Variants in GMEB2 observed in about 807,000 individuals in gnomAD.
GMEB2 encodes the protein glucocorticoid modulatory element binding protein 2.
A neutral mutation model predicts 45.7 loss-of-function variants in GMEB2; 7 were observed. The observed-to-expected ratio is 0.15, with a 90% CI of 0.09 to 0.29. The LOEUF is 0.29. GMEB2 is among the 10% of genes least tolerant of loss of function. The pLI, the probability that GMEB2 is intolerant of heterozygous loss-of-function variation, is 1.00. For missense variants in GMEB2, 582 were observed against 739.2 expected (o/e 0.79, Z 2.47); for synonymous variants, 322 against 323.6 (o/e 1.00, Z 0.05).
intron 1 of GMEB2, among the ~76,000 whole-genome samples, chr20:63,625,262 G>A (rs1410101445): frequency 2.0e-5 from 3 of 151,692 alleles, no homozygotes; most frequent in African/African-American, 4.8e-5. Context: ...TGCAACCTCC[G>A]CCTCCCGGGT....
At position 63,588,669 on chromosome 20, in the gene GMEB2, G is replaced by A. The variant is rs1372169196; in HGVS notation, c.*1420C>T. On this transcript the variant is annotated 3_prime_UTR_variant, in exon 10 of 10. Coordinates refer to ENST00000370077, the MANE Select transcript of GMEB2 (RefSeq NM_012384.5). Reference sequence around the variant, plus strand: ...GACGGACAGCCAGCCAGTTCCCTTCGGAGCAGTGAAGTGGGACACAGGACC... The same window carrying A: ...GACGGACAGCCAGCCAGTTCCCTTCAGAGCAGTGAAGTGGGACACAGGACC... 1.3e-5 allele frequency: 5 copies of A among 397,966 alleles called. No homozygotes were observed. The highest frequency in any genetic ancestry group is 2.1e-5 in the African/African-American group (1 of 48,634). The allele number at this position is 397,966 out of a possible 1,614,324, so 24.7% of individuals were successfully genotyped here.
intron 2 of GMEB2, among the ~76,000 whole-genome samples, chr20:63,606,382 C>G (rs2089519399): frequency 6.8e-6 from 1 of 146,162 alleles, no homozygotes. Context: ...GAGTCTCGCT[C>G]TGTCGCTCAG....
At chr20:63,610,682 A>G (rs2089562901) in intron 2 of GMEB2, among the ~76,000 whole-genome samples, 1 of 152,226 alleles carries the variant, frequency 6.6e-6, no homozygotes. Context: ...CTCAGAGAAG[A>G]AGGCGCATGC....
At chr20:63,602,387 C>T (rs1019628347) in intron 4 of GMEB2, among the ~76,000 whole-genome samples, 1 of 152,180 alleles carries the variant, frequency 6.6e-6, no homozygotes, top group African/African-American at 2.4e-5. Flanking sequence ...AAGCCCTGGG[C>T]TTTGTCTTCT....
In GMEB2 at chr20:63,597,968, C is replaced by T. The variant is rs546583926; in HGVS notation, c.358-108G>A. 2.6e-3 allele frequency: 1,900 copies of T among 719,790 alleles called. 52 individuals carry two copies. The South Asian group carries it at 0.028, about 10-fold the overall frequency. 44.6% of individuals were successfully genotyped at this position (719,790 alleles called of 1,614,324 possible). A position where few individuals can be genotyped will look rare whatever the true frequency, so the allele number is the denominator to read the frequency against. Reference sequence around the variant, plus strand: ...GGCGCGCAAGGCAGGAAAAGCGCCACGGCACGGCTCTGACCGGTGCAGGCC... The same window carrying T: ...GGCGCGCAAGGCAGGAAAAGCGCCATGGCACGGCTCTGACCGGTGCAGGCC... On this transcript the variant is annotated intron_variant, in intron 4 of 9. Coordinates refer to ENST00000370077, the MANE Select transcript of GMEB2 (RefSeq NM_012384.5).
intron 3 of GMEB2, 141 bp downstream of exon 3, chr20:63,604,602 T>C (rs558953525): frequency 1.5e-5 from 9 of 620,144 alleles, no homozygotes. Context: ...GCCTGGCCTC[T>C]CACTCCTAAG....
At chr20:63,599,224 GAGCTAACTCGGC>G (rs1164785992) in intron 4 of GMEB2, among the ~76,000 whole-genome samples, 2 of 151,020 alleles carry the variant, frequency 1.3e-5, no homozygotes, top group African/African-American at 2.5e-5. Context: ...TGACCCCCCG[GAGCTAACTCGGC>G]CCGCTCCTGA....
In GMEB2 at chr20:63,606,900, G is replaced by T. The variant is rs115154014; in HGVS notation, c.132-2060C>A. 6.8e-3 allele frequency among the ~76,000 whole-genome samples: 1,032 copies of T among 152,332 alleles called. 12 individuals are homozygous for T. Among genetic ancestry groups the T allele is most frequent in the African/African-American group, 0.023 (965 of 41,572 alleles). On this transcript the variant is annotated intron_variant, in intron 2 of 9. Transcript: ENST00000370077. Reference sequence around the variant, plus strand: ...TTTCCCCTAGAGAGCCCACAGGAAGGAACCAGCGTTACCACGCGTACGGGA... The same window carrying T: ...TTTCCCCTAGAGAGCCCACAGGAAGTAACCAGCGTTACCACGCGTACGGGA...
At position 63,604,822 on chromosome 20, in the gene GMEB2, A is replaced by T; in HGVS notation, c.150T>A (p.Asp50Glu). 1.9e-6 allele frequency: 3 copies of T among 1,608,624 alleles called. No homozygotes were observed. The highest frequency in any genetic ancestry group is 2.6e-6 in the Non-Finnish European group (3 of 1,175,078). ...CCGCTGCATTTTCTGTCTCCATGTT[A>T]TCTTCCGTCAGGTCGCCCCTGGTGA... ...LAPHGGDLTE[D>E]NMETENAAAA... Residue 50 changes from aspartate (D) to glutamate (E), a missense_variant, in exon 3 of 10, where the codon GAT (aspartate) becomes GAA (glutamate). Physicochemically the swap from Asp to Glu is conservative, Grantham distance 45. Coordinates refer to ENST00000370077, the MANE Select transcript of GMEB2 (RefSeq NM_012384.5).
In GMEB2 at chr20:63,592,033, C is replaced by A; in HGVS notation, c.941G>T (p.Arg314Leu). The change falls in exon 9 of 10, where the codon CGG (arginine) becomes CTG (leucine). Residue 314 changes from arginine (R) to leucine (L), a missense_variant. By Grantham distance (102) the Arg-to-Leu change is moderately radical. This residue lies in a region of GMEB2 where 462 missense variants were observed against 586.7 expected (regional missense o/e 0.79). Transcript: ENST00000370077. This position sits in a 1 kb window ranked among gnomAD's most constrained non-coding sequence, Gnocchi z 8.2. Reference protein sequence around the residue: ...QMDRSREQYARDLAALEQQCD... With the variant: ...QMDRSREQYALDLAALEQQCD... ...TGGTCTCAGCATACCTGCCAGGTCC[C>A]GGGCGTACTGCTCCCGCGAGCGGTC... 1.2e-6 allele frequency: 2 copies of A among 1,611,366 alleles called. No homozygotes were observed. Among genetic ancestry groups the A allele is most frequent in the East Asian group, 2.2e-5 (1 of 44,868 alleles).
intron 2 of GMEB2, among the ~76,000 whole-genome samples, chr20:63,610,475 C>T (rs895405703): frequency 6.6e-6 from 1 of 152,026 alleles, no homozygotes; most frequent in African/African-American, 2.4e-5. Context: ...GAGCCGAGAT[C>T]GCGCCATTGC....
chr20:63,621,233 C>T (rs1320525454), intron 1 of GMEB2, among the ~76,000 whole-genome samples: 2 of 151,884 alleles, frequency 1.3e-5, no homozygotes, highest in African/African-American at 4.8e-5. Context: ...CAGAAGTGAC[C>T]AGGGGCTGGG....
intron 2 of GMEB2, among the ~76,000 whole-genome samples, chr20:63,611,614 CA>C (rs566271215): frequency 2.5e-3 from 330 of 134,314 alleles, no homozygotes; most frequent in Non-Finnish European, 3.0e-3. Context: ...GACTTGGTCT[CA>C]AAAAAAAAAA....
At chr20:63,596,740 G>A (rs1031293775) in intron 5 of GMEB2, among the ~76,000 whole-genome samples, 5 of 152,240 alleles carry the variant, frequency 3.3e-5, no homozygotes, top group East Asian at 1.9e-4. Context: ...AGTGAAGGCC[G>A]GGCACGGTGG....
chr20:63,618,731 T>C (rs746827553), intron 2 of GMEB2, among the ~76,000 whole-genome samples: 2 of 152,042 alleles, frequency 1.3e-5, no homozygotes, highest in Non-Finnish European at 2.9e-5. Flanking sequence ...TCTGCCTTTA[T>C]TTCACCCCAG....
rs563629793 is a variant in GMEB2 at position 63,619,024 on chromosome 20, G to A, written c.131+243C>T. The stretch of plus-strand genomic sequence containing the variant: ...ATGAGAAATCACGGCCTTTCAGGAC[G>A]TGGAGCCACGTGGCCATGCAGGTAC... On this transcript the variant is annotated intron_variant, in intron 2 of 9. Transcript: ENST00000370077. This position sits in a 1 kb window ranked among gnomAD's most constrained non-coding sequence, Gnocchi z 4.6. 4.3e-4 allele frequency among the ~76,000 whole-genome samples: 66 copies of A among 152,308 alleles called. No homozygotes were observed. Among genetic ancestry groups the A allele is most frequent in the Non-Finnish European group, 8.5e-4 (58 of 68,022 alleles).
intron 3 of GMEB2, among the ~76,000 whole-genome samples, chr20:63,604,069 A>AAAC (rs1232907980): frequency 5.5e-5 from 8 of 145,892 alleles, no homozygotes; most frequent in African/African-American, 1.8e-4. Context: ...AAAAAAAAAA[A>AAAC]ACAGAATTTT....
Position 63,593,485 on chromosome 20 carries a change from C to T in GMEB2, c.620-403G>A, listed in dbSNP as rs773311319. Among the ~76,000 whole-genome samples, 28 of 151,912 alleles carry T rather than the reference C, an allele frequency of 1.8e-4. No individual in the cohort carries two copies. Among genetic ancestry groups the T allele is most frequent in the African/African-American group, 2.9e-4 (12 of 41,428 alleles). On this transcript the variant is annotated intron_variant, in intron 6 of 9. Transcript: ENST00000370077. This position sits in a 1 kb window ranked among gnomAD's most constrained non-coding sequence, Gnocchi z 4.7. ...GAGCTCTGCGGCTGCGTCTGTCGCC[C>T]GTGGGGCTCGCCCTCACCTCGCCTC...
intron 4 of GMEB2, among the ~76,000 whole-genome samples, chr20:63,599,516 C>T (rs1057194148): frequency 1.3e-5 from 2 of 152,222 alleles, no homozygotes; most frequent in Admixed American, 6.5e-5. Context: ...GACGACCTCA[C>T]GGTGTCGTCA....
Sources: allele counts gnomAD v4.1 joint callset (sites outside exome capture counted in the v4.1 genomes callset), GRCh38; gene constraint gnomAD v4.1.1; regional missense constraint gnomAD v4.1.1; non-coding constraint Gnocchi (gnomAD v3.1); transcripts MANE v1.5; gene names NCBI Gene and HGNC (gene_info 2026-07-23, HGNC 2026-07-21).